The following SEZ6L variants were observed in gnomAD, a reference collection of about 807,000 sequenced individuals.
SEZ6L encodes the protein seizure 6-like protein.
In SEZ6L, 37 loss-of-function variants were observed where a neutral mutation model predicts 106.2. That is an observed-to-expected ratio of 0.35 (90% CI 0.27 to 0.46). The LOEUF (loss-of-function observed/expected upper bound fraction) is 0.46. Ranked by LOEUF, SEZ6L falls within the 20% of genes least tolerant of loss-of-function variation. The pLI is 1.00. For missense variants in SEZ6L, 1,172 were observed against 1,332.8 expected, an observed-to-expected ratio of 0.88 and a Z score of 1.88; for synonymous variants, 541 against 570.4, an observed-to-expected ratio of 0.95 and a Z score of 0.73.
Position 26,201,313 on chromosome 22 carries a change from G to A in SEZ6L, c.94+31550G>A, listed in dbSNP as rs935491011. Among the ~76,000 whole-genome samples the A allele has an allele frequency of 2.1e-5, 3 of 145,738 alleles. No homozygotes were observed. The Admixed American group carries it at 2.1e-4, about 10-fold the overall frequency. On this transcript the variant is annotated intron_variant, in intron 1 of 16. Transcript: ENST00000248933. ...AGGCTGGTGGATCATTTGAGGTCAG[G>A]AGTTCAAGACCAGCCTGACCAACAT...
intron 6 of SEZ6L, among the ~76,000 whole-genome samples, chr22:26,307,483 A>AAG (rs200959711): frequency 6.7e-4 from 102 of 152,098 alleles, no homozygotes; most frequent in African/African-American, 2.2e-3. Flanking sequence ...AGACTTAAAA[A>AAG]AAAAAAAAAG....
At position 26,292,528 on chromosome 22, in the gene SEZ6L, T is replaced by C. The variant is rs1444180306; in HGVS notation, c.217T>C (p.Ser73Pro). ...GAGAGTGGTAACAGCGCCCCCCAGT[T>C]CCTCACAGTCGGCGGAAGTGCTGGG... ...EERVVTAPPS[S>P]SQSAEVLGEL... The change falls in exon 2 of 17, where the codon TCC becomes CCC. Residue 73 changes from serine (S) to proline (P), a missense_variant. Ser to Pro is a moderately conservative substitution (Grantham distance 74). Around this residue, in one of 4 missense-constraint regions of SEZ6L, gnomAD observed 494 missense variants for 445.8 expected, o/e 1.11. Coordinates refer to ENST00000248933, the MANE Select transcript of SEZ6L (RefSeq NM_021115.5). 1 of 1,613,742 alleles carries C rather than the reference T, an allele frequency of 6.2e-7. No homozygotes were observed. The highest frequency in any genetic ancestry group is 1.3e-5 in the African/African-American group (1 of 74,974).
At chr22:26,289,936 C>T (rs2081055436) in intron 1 of SEZ6L, among the ~76,000 whole-genome samples, 1 of 152,190 alleles carries the variant, frequency 6.6e-6, no homozygotes, top group Admixed American at 6.5e-5. Flanking sequence ...CTGATTGCTC[C>T]AGTTTCCTGC....
intron 4 of SEZ6L, among the ~76,000 whole-genome samples, chr22:26,297,998 A>G (rs900332398): frequency 6.6e-6 from 1 of 152,110 alleles, no homozygotes; most frequent in African/African-American, 2.4e-5. Flanking sequence ...TTCGTGAACC[A>G]TGCAACCAGA....
intron 1 of SEZ6L, among the ~76,000 whole-genome samples, chr22:26,260,877 A>T (rs1011625751): frequency 6.6e-6 from 1 of 152,122 alleles, no homozygotes; most frequent in Non-Finnish European, 1.5e-5. Flanking sequence ...TTTTCACTGC[A>T]TCCGTGCCAA....
At chr22:26,317,965 A>G (rs2082050785) in intron 9 of SEZ6L, among the ~76,000 whole-genome samples, 2 of 152,274 alleles carry the variant, frequency 1.3e-5, no homozygotes, top group East Asian at 1.9e-4. Context: ...AAATACCGGA[A>G]TTAGAGCTGT....
chr22:26,282,785 C>T (rs1030383553), intron 1 of SEZ6L, among the ~76,000 whole-genome samples: 1 of 152,174 alleles, frequency 6.6e-6, no homozygotes, highest in African/African-American at 2.4e-5. Flanking sequence ...ATGCTGACTT[C>T]ACTGCTGAAG....
intron 12 of SEZ6L, among the ~76,000 whole-genome samples, chr22:26,351,979 C>T (rs1458103978): frequency 2.0e-5 from 3 of 151,940 alleles, no homozygotes; most frequent in African/African-American, 4.8e-5. Context: ...GGCAACATGG[C>T]GAAACCCTGT....
chr22:26,214,301 C>T (rs995454297), intron 1 of SEZ6L, among the ~76,000 whole-genome samples: 1 of 152,224 alleles, frequency 6.6e-6, no homozygotes, highest in Non-Finnish European at 1.5e-5. Flanking sequence ...AGTGATAGTT[C>T]CTGCCTCACA....
intron 10 of SEZ6L, among the ~76,000 whole-genome samples, chr22:26,342,952 C>T (rs927267460): frequency 6.6e-6 from 1 of 152,116 alleles, no homozygotes. Flanking sequence ...ATTTTTCATC[C>T]CTGCCTGCTA....
At chr22:26,317,647 C>T (rs778940045) in intron 9 of SEZ6L, among the ~76,000 whole-genome samples, 10 of 152,042 alleles carry the variant, frequency 6.6e-5, no homozygotes, top group African/African-American at 1.2e-4. Context: ...ATGGAGCAGC[C>T]GATCCGGGAA....
chr22:26,222,075 G>A (rs1602072998), intron 1 of SEZ6L, among the ~76,000 whole-genome samples: 1 of 152,112 alleles, frequency 6.6e-6, no homozygotes, highest in Non-Finnish European at 1.5e-5. Flanking sequence ...CCACATAATC[G>A]CCTGGGGTGG....
chr22:26,373,386 C>T, intron 13 of SEZ6L, 65 bp from the exon 14 acceptor site: 4 of 1,494,634 alleles, frequency 2.7e-6, no homozygotes, highest in Non-Finnish European at 3.6e-6. Flanking sequence ...ATTTTTTGGC[C>T]TCATTTCATG....
At chr22:26,170,293 G>C (rs1207729184) in intron 1 of SEZ6L, among the ~76,000 whole-genome samples, 5 of 152,014 alleles carry the variant, frequency 3.3e-5, no homozygotes, top group African/African-American at 1.2e-4. Context: ...TTCCTGGATC[G>C]ATCTCAGCCA....
At chr22:26,344,646 C>A (rs1212146314) in intron 10 of SEZ6L, among the ~76,000 whole-genome samples, 1 of 152,194 alleles carries the variant, frequency 6.6e-6, no homozygotes, top group African/African-American at 2.4e-5. Flanking sequence ...CTAATCTTGT[C>A]CATGAGACCG....
intron 1 of SEZ6L, among the ~76,000 whole-genome samples, chr22:26,185,418 G>A (rs1351853489): frequency 1.3e-5 from 2 of 152,174 alleles, no homozygotes; most frequent in African/African-American, 2.4e-5. Context: ...TCCCTCTCTG[G>A]TCTTTAGTTT....
intron 5 of SEZ6L, among the ~76,000 whole-genome samples, chr22:26,303,886 T>C (rs2081529492): frequency 6.6e-6 from 1 of 152,174 alleles, no homozygotes; most frequent in South Asian, 2.1e-4. Context: ...GGAAATATTT[T>C]TCAAGCTCCT....
chr22:26,326,540 G>C (rs1416877986), intron 9 of SEZ6L, among the ~76,000 whole-genome samples: 1 of 152,162 alleles, frequency 6.6e-6, no homozygotes, highest in African/African-American at 2.4e-5. Context: ...ACCTAGGAGA[G>C]TCACACGATT....
chr22:26,241,383 T>G (rs1232122852), intron 1 of SEZ6L: 1 of 152,182 alleles, frequency 6.6e-6, no homozygotes, highest in Non-Finnish European at 1.5e-5. Context: ...TCACGTGGCC[T>G]TGCCTCATGC....
Sources: allele counts gnomAD v4.1 joint callset (sites outside exome capture counted in the v4.1 genomes callset), GRCh38; gene constraint gnomAD v4.1.1; regional missense constraint gnomAD v4.1.1; transcripts MANE v1.5; gene names NCBI Gene and HGNC (gene_info 2026-07-23, HGNC 2026-07-21).